The following CLVS1 variants were observed in gnomAD, a reference collection of about 807,000 sequenced individuals.
CLVS1 encodes the protein clavesin-1.
Under a neutral mutation model 33.1 loss-of-function variants are expected in CLVS1, and 10 were observed. The ratio of observed to expected loss-of-function variants is 0.30; its 90% CI spans 0.19 to 0.51. CLVS1 has a LOEUF of 0.51. CLVS1 is among the 20% of genes least tolerant of loss of function. The pLI, the probability that CLVS1 is intolerant of heterozygous loss-of-function variation, is 0.97. For synonymous variants in CLVS1, 163 were observed against 166.1 expected (o/e 0.98, Z 0.14); for missense variants, 343 against 433.4 (o/e 0.79, Z 1.85).
In CLVS1 at chr8:61,336,908, C is replaced by T. The variant is rs79683484; in HGVS notation, c.455+36626C>T. Among the ~76,000 whole-genome samples, 270 of 152,298 alleles carry T rather than the reference C, an allele frequency of 1.8e-3. 2 individuals are homozygous for T. The highest frequency in any genetic ancestry group is 6.2e-3 in the African/African-American group (258 of 41,558). On this transcript the variant is annotated intron_variant, in intron 2 of 5. Transcript: ENST00000325897. Reference sequence around the variant, plus strand: ...AACAAACAAAAAAATAAAACCTCTTCTGTATCCAAAACTACAGAGGGAATA... The same window carrying T: ...AACAAACAAAAAAATAAAACCTCTTTTGTATCCAAAACTACAGAGGGAATA...
chr8:61,409,296 C>T (rs1457307651), intron 3 of CLVS1, among the ~76,000 whole-genome samples: 1 of 151,990 alleles, frequency 6.6e-6, no homozygotes, highest in Non-Finnish European at 1.5e-5. Context: ...GTTTCTTTGT[C>T]TTTGTTTATT....
At chr8:61,251,658 A>C (rs1231543390) in intron 2 of CLVS1, among the ~76,000 whole-genome samples, 1 of 152,168 alleles carries the variant, frequency 6.6e-6, no homozygotes, top group Non-Finnish European at 1.5e-5. Context: ...GTATGTGTTT[A>C]GGAATTTATC....
chr8:61,379,747 A>G (rs1441195521), intron 3 of CLVS1, among the ~76,000 whole-genome samples: 2 of 152,170 alleles, frequency 1.3e-5, no homozygotes, highest in African/African-American at 4.8e-5. Flanking sequence ...GGAAGCTACT[A>G]CAGAAGAAAG....
the CLVS1 span, among the ~76,000 whole-genome samples, chr8:60,968,980 C>G: frequency 6.6e-6 from 1 of 151,584 alleles, no homozygotes; most frequent in Non-Finnish European, 1.5e-5. Context: ...AAAGGGGGTC[C>G]TAATGCATGT....
intron 2 of CLVS1, among the ~76,000 whole-genome samples, chr8:61,265,458 C>T (rs1809285646): frequency 6.6e-6 from 1 of 152,156 alleles, no homozygotes; most frequent in African/African-American, 2.4e-5. Context: ...AATAATACTA[C>T]CTATTTCTTT....
At chr8:61,254,392 G>T (rs1391275276) in intron 2 of CLVS1, among the ~76,000 whole-genome samples, 1 of 152,184 alleles carries the variant, frequency 6.6e-6, no homozygotes, top group East Asian at 1.9e-4. Flanking sequence ...GAGGCAGTCT[G>T]TCCGTTCTCA....
chr8:61,113,154 G>A (rs1361559529), intron 1 of CLVS1, among the ~76,000 whole-genome samples: 1 of 152,202 alleles, frequency 6.6e-6, no homozygotes, highest in Non-Finnish European at 1.5e-5. Context: ...CCTGGTGACT[G>A]AGCTGGTAAT....
chr8:61,204,120 A>C (rs2978521), intron 2 of CLVS1, among the ~76,000 whole-genome samples: 2 of 151,996 alleles, frequency 1.3e-5, no homozygotes, highest in Non-Finnish European at 2.9e-5. Flanking sequence ...TGGCATCAAA[A>C]CTGGTGCTCT....
chr8:61,430,458 G>A (rs188808282), intron 3 of CLVS1, among the ~76,000 whole-genome samples: 1 of 152,142 alleles, frequency 6.6e-6, no homozygotes, highest in Non-Finnish European at 1.5e-5. Flanking sequence ...CCCCCCAAGG[G>A]CACTTACTTG....
chr8:61,033,097 A>T, the CLVS1 span, among the ~76,000 whole-genome samples: 11 of 120,662 alleles, frequency 9.1e-5, no homozygotes, highest in South Asian at 2.8e-4. Context: ...GAAAGAAAGA[A>T]AGATAGAAAG....
At chr8:60,972,362 G>A in the CLVS1 span, among the ~76,000 whole-genome samples, 1 of 152,120 alleles carries the variant, frequency 6.6e-6, no homozygotes, top group Admixed American at 6.5e-5. Flanking sequence ...GAAAAATTTA[G>A]TGCATAGTTT....
At chr8:61,160,888 T>C (rs1398365120) in intron 2 of CLVS1, among the ~76,000 whole-genome samples, 1 of 152,194 alleles carries the variant, frequency 6.6e-6, no homozygotes, top group Non-Finnish European at 1.5e-5. Context: ...TTAGCAAGAA[T>C]ACTCTCGTAG....
chr8:61,242,024 T>C (rs1808707029), intron 2 of CLVS1, among the ~76,000 whole-genome samples: 1 of 139,576 alleles, frequency 7.2e-6, no homozygotes, highest in African/African-American at 2.9e-5. Context: ...GTTGAATTGT[T>C]ATTTCCCTGT....
chr8:61,154,441 A>T (rs1326806837), intron 2 of CLVS1, among the ~76,000 whole-genome samples: 1 of 152,222 alleles, frequency 6.6e-6, no homozygotes, highest in East Asian at 1.9e-4. Flanking sequence ...TTATGAAGGC[A>T]GTATACCATT....
chr8:61,163,895 A>C (rs111958820), intron 2 of CLVS1, among the ~76,000 whole-genome samples: 7,766 of 152,232 alleles, frequency 0.051, 220 homozygotes, highest in African/African-American at 0.06. Context: ...AGCTGAGCAA[A>C]AGCTCAGCTC....
At chr8:61,024,575 G>A in the CLVS1 span, among the ~76,000 whole-genome samples, 2 of 152,170 alleles carry the variant, frequency 1.3e-5, no homozygotes, top group Admixed American at 6.5e-5. Context: ...GGATATGTGT[G>A]TCTGAAAGTG....
At chr8:61,478,890 A>C (rs1289987016) in intron 5 of CLVS1, among the ~76,000 whole-genome samples, 1 of 152,166 alleles carries the variant, frequency 6.6e-6, no homozygotes. Flanking sequence ...CTTTCCTTTA[A>C]GAATGTTGAA....
At chr8:61,170,981 A>G (rs999122340) in intron 2 of CLVS1, among the ~76,000 whole-genome samples, 1 of 152,214 alleles carries the variant, frequency 6.6e-6, no homozygotes, top group Admixed American at 6.5e-5. Context: ...ATTTTTGGTA[A>G]AAGATTTTTG....
chr8:60,970,471 G>A, the CLVS1 span, among the ~76,000 whole-genome samples: 11 of 152,196 alleles, frequency 7.2e-5, no homozygotes, highest in Admixed American at 1.3e-4. Flanking sequence ...TAAGAAAAGC[G>A]TGTGGGAGGT....
Sources: allele counts gnomAD v4.1 joint callset (sites outside exome capture counted in the v4.1 genomes callset), GRCh38; gene constraint gnomAD v4.1.1; transcripts MANE v1.5; gene names NCBI Gene and HGNC (gene_info 2026-07-23, HGNC 2026-07-21).